Variants in MAPK10 observed in about 807,000 individuals in gnomAD.
The protein encoded by MAPK10 is JNK3 alpha protein kinase.
In MAPK10, 25 loss-of-function variants were observed where a neutral mutation model predicts 59.3. The ratio of observed to expected loss-of-function variants is 0.42; its 90% CI spans 0.31 to 0.59. The LOEUF is 0.59. Among genes scored for constraint, MAPK10 ranks in the 20% least tolerant of loss-of-function variants. The probability of loss-of-function intolerance (pLI) is 0.15; values close to 1 mark genes in which losing one functional copy is unlikely to be tolerated. For missense variants in MAPK10, 351 were observed against 568.9 expected (o/e 0.62, Z 3.90); for synonymous variants, 190 against 200.5 (o/e 0.95, Z 0.44).
intron 1 of MAPK10, among the ~76,000 whole-genome samples, chr4:86,591,485 C>T (rs1437851785): frequency 1.3e-5 from 2 of 152,018 alleles, no homozygotes; most frequent in East Asian, 3.9e-4. Flanking sequence ...GCAATCCTCC[C>T]ACCTCAGCCT....
At chr4:86,319,048 C>T (rs144768770) in intron 2 of MAPK10, among the ~76,000 whole-genome samples, 31 of 152,224 alleles carry the variant, frequency 2.0e-4, no homozygotes, top group Middle Eastern at 3.4e-3. Context: ...GCAGAAGGGA[C>T]CAACACTCAT....
In MAPK10 at chr4:86,067,906, T is replaced by C; in HGVS notation, c.852A>G (p.Pro284=). The change falls in exon 10 of 14, where the codon CCA becomes CCG. Residue 284 remains proline, a synonymous_variant. Transcript: ENST00000641462. ...KVIEQLGTPC[P]EFMKKLQPTV... ...TGGGTTGCAATTTCTTCATGAATTCTGGACATGGTGTTCCTAGTTGTTCAA... is the reference window on the plus strand; with the variant it reads ...TGGGTTGCAATTTCTTCATGAATTCCGGACATGGTGTTCCTAGTTGTTCAA... The C allele has an allele frequency of 6.2e-7, 1 of 1,613,934 alleles. No homozygotes were observed. Among genetic ancestry groups the C allele is most frequent in the East Asian group, 2.2e-5 (1 of 44,884 alleles).
intron 4 of MAPK10, among the ~76,000 whole-genome samples, chr4:86,122,461 A>G (rs1040578786): frequency 1.3e-5 from 2 of 152,094 alleles, no homozygotes; most frequent in African/African-American, 2.4e-5. Context: ...CTTTGTCTTC[A>G]GGATCATATT....
At chr4:86,174,247 A>T (rs1390749290) in intron 3 of MAPK10, among the ~76,000 whole-genome samples, 1 of 152,242 alleles carries the variant, frequency 6.6e-6, no homozygotes, top group African/African-American at 2.4e-5. Flanking sequence ...AGACTGGATA[A>T]AGAAAATGTG....
At chr4:86,152,960 G>C (rs2066844247) in intron 4 of MAPK10, among the ~76,000 whole-genome samples, 1 of 152,120 alleles carries the variant, frequency 6.6e-6, no homozygotes, top group Non-Finnish European at 1.5e-5. Context: ...AGATGCACTG[G>C]ATGGTGCTAG....
chr4:86,210,560 T>C (rs1287853720), intron 2 of MAPK10, among the ~76,000 whole-genome samples: 1 of 152,044 alleles, frequency 6.6e-6, no homozygotes, highest in African/African-American at 2.4e-5. Context: ...ATGGATACCC[T>C]ATTTACCCTG....
intron 1 of MAPK10, among the ~76,000 whole-genome samples, chr4:86,534,937 T>C (rs72665734): frequency 0.23 from 34,344 of 151,544 alleles, 4,613 homozygotes; most frequent in Admixed American, 0.3. Context: ...AAGAAGAAAA[T>C]AAATAAATAA....
At chr4:86,217,969 T>C (rs1247909874) in intron 2 of MAPK10, among the ~76,000 whole-genome samples, 2 of 152,070 alleles carry the variant, frequency 1.3e-5, no homozygotes, top group African/African-American at 2.4e-5. Flanking sequence ...AGTAGAATTA[T>C]TTATATGTAT....
At chr4:86,115,988 G>A (rs961649267) in intron 4 of MAPK10, among the ~76,000 whole-genome samples, 2 of 152,310 alleles carry the variant, frequency 1.3e-5, no homozygotes, top group African/African-American at 2.4e-5. Flanking sequence ...TAACATACAA[G>A]GGCAACAGTG....
At chr4:86,258,068 A>G (rs1251205381) in intron 2 of MAPK10, among the ~76,000 whole-genome samples, 1 of 152,142 alleles carries the variant, frequency 6.6e-6, no homozygotes, top group Non-Finnish European at 1.5e-5. Context: ...AAAATTCATG[A>G]AAAAAGGATT....
chr4:86,459,724 A>C (rs1395362259), intron 1 of MAPK10, among the ~76,000 whole-genome samples: 3 of 152,190 alleles, frequency 2.0e-5, no homozygotes, highest in Non-Finnish European at 4.4e-5. Context: ...TGAGGATGCA[A>C]AGGCATAAGA....
In MAPK10 at chr4:86,510,373, A is replaced by C. The variant is rs560928679; in HGVS notation, c.-263+83537T>G. Among the ~76,000 whole-genome samples, 7 of 152,264 alleles carry C rather than the reference A, an allele frequency of 4.6e-5. No homozygotes were observed. The South Asian group carries it at 1.5e-3, about 32-fold the overall frequency. Reference sequence around the variant, plus strand: ...AGCGATTATCCCACCTCAGCCTCCCAAAATGCTGAAATTATAGGGATGAGC... The same window carrying C: ...AGCGATTATCCCACCTCAGCCTCCCCAAATGCTGAAATTATAGGGATGAGC... On this transcript the variant is annotated intron_variant, in intron 1 of 4. Transcript: ENST00000502302.
At chr4:86,393,238 T>G (rs540554663) in intron 1 of MAPK10, among the ~76,000 whole-genome samples, 3 of 152,196 alleles carry the variant, frequency 2.0e-5, no homozygotes. Context: ...ATATCCAGTA[T>G]AGCATGTTGA....
intron 1 of MAPK10, among the ~76,000 whole-genome samples, chr4:86,393,888 T>C (rs567808365): frequency 6.6e-6 from 1 of 152,340 alleles, no homozygotes; most frequent in Non-Finnish European, 1.5e-5. Context: ...AGTACCTCTT[T>C]AAGAGTATTA....
upstream of MAPK10, among the ~76,000 whole-genome samples, chr4:86,453,701 G>T (rs539683221): frequency 1.3e-5 from 2 of 151,736 alleles, no homozygotes; most frequent in South Asian, 4.2e-4. Context: ...AAGACAAAGG[G>T]CATATACCCT....
chr4:86,291,624 A>T (rs933243180), intron 2 of MAPK10, among the ~76,000 whole-genome samples: 1 of 152,240 alleles, frequency 6.6e-6, no homozygotes, highest in African/African-American at 2.4e-5. Flanking sequence ...GAAAAAATGT[A>T]GATTTACATT....
intron 2 of MAPK10, among the ~76,000 whole-genome samples, chr4:86,227,114 T>G (rs1480576251): frequency 6.6e-6 from 1 of 152,214 alleles, no homozygotes; most frequent in Non-Finnish European, 1.5e-5. Flanking sequence ...AAGGGTTCTC[T>G]GACACTACTC....
chr4:86,244,417 G>C (rs2092944434), intron 2 of MAPK10, among the ~76,000 whole-genome samples: 1 of 152,102 alleles, frequency 6.6e-6, no homozygotes, highest in Admixed American at 6.5e-5. Flanking sequence ...TTGCATTTGA[G>C]ATGCCTGCAA....
At chr4:86,188,420 C>T (rs2078810904) in intron 3 of MAPK10, among the ~76,000 whole-genome samples, 1 of 152,116 alleles carries the variant, frequency 6.6e-6, no homozygotes, top group South Asian at 2.1e-4. Context: ...TGTTTCCTGA[C>T]TTTTTAATGC....
Sources: allele counts gnomAD v4.1 joint callset (sites outside exome capture counted in the v4.1 genomes callset), GRCh38; gene constraint gnomAD v4.1.1; transcripts MANE v1.5; gene names NCBI Gene and HGNC (gene_info 2026-07-23, HGNC 2026-07-21).